RNF150: variants seen among roughly 807,000 people sequenced by gnomAD.
The protein encoded by RNF150 is ring finger protein 150.
Under a neutral mutation model 39.3 loss-of-function variants are expected in RNF150, and 24 were observed. The observed-to-expected ratio is 0.61, with a 90% CI of 0.44 to 0.86. The LOEUF (loss-of-function observed/expected upper bound fraction) is 0.86, where lower values mean the gene tolerates loss of function less well. Among genes scored for constraint, RNF150 ranks in the 40% least tolerant of loss-of-function variants. The probability of loss-of-function intolerance (pLI) is 0.00; values close to 1 mark genes in which losing one functional copy is unlikely to be tolerated. For missense variants in RNF150, 502 were observed against 587.8 expected, an observed-to-expected ratio of 0.85 and a Z score of 1.51; for synonymous variants, 255 against 227.3, an observed-to-expected ratio of 1.12 and a Z score of -1.10.
intron 1 of RNF150, among the ~76,000 whole-genome samples, chr4:141,110,011 G>A (rs1739335364): frequency 6.6e-6 from 1 of 152,176 alleles, no homozygotes; most frequent in Non-Finnish European, 1.5e-5. Flanking sequence ...GGATATGAGA[G>A]ACTAAGGACC....
chr4:141,180,592 A>G (rs2111187327), intron 1 of RNF150, among the ~76,000 whole-genome samples: 1 of 151,956 alleles, frequency 6.6e-6, no homozygotes, highest in East Asian at 1.9e-4. Context: ...TCAAAACTGC[A>G]TTCTTGGTGG....
At chr4:140,988,933 C>T (rs527626283) in intron 1 of RNF150, among the ~76,000 whole-genome samples, 11 of 152,170 alleles carry the variant, frequency 7.2e-5, no homozygotes, top group Admixed American at 3.9e-4. Context: ...TGTTCTCACT[C>T]ATAGGTGGGA....
At chr4:141,076,483 C>T (rs932937446) in intron 1 of RNF150, among the ~76,000 whole-genome samples, 1 of 151,896 alleles carries the variant, frequency 6.6e-6, no homozygotes, top group Admixed American at 6.6e-5. Flanking sequence ...GTGGGCCTGG[C>T]TCCCCAGTGT....
At chr4:140,939,132 C>A (rs528116661) in intron 4 of RNF150, among the ~76,000 whole-genome samples, 10 of 152,264 alleles carry the variant, frequency 6.6e-5, no homozygotes, top group South Asian at 6.2e-4. Context: ...CATTAGAAAT[C>A]CCTTTGCAAG....
At position 140,886,190 on chromosome 4, in the gene RNF150, CA is replaced by C. The variant is rs1171164182; in HGVS notation, c.1199-17812del. Among the ~76,000 whole-genome samples the C allele has an allele frequency of 2.5e-3, 183 of 73,348 alleles. 1 individual carries two copies. The Middle Eastern group carries it at 0.032, about 13-fold the overall frequency. The allele number at this position is 73,348 out of a possible 152,430, so 48.1% of individuals were successfully genotyped here. On this transcript the variant is annotated intron_variant, in intron 6 of 6. Coordinates refer to ENST00000515673, the MANE Select transcript of RNF150 (RefSeq NM_020724.2). ...TGGGCAACAGAGGGCGACTCCATCA[CA>C]AAAAAAAAAAAAAAAAAAAAGAAAA...
intron 6 of RNF150, among the ~76,000 whole-genome samples, chr4:140,902,003 G>C (rs1279161542): frequency 6.6e-6 from 1 of 152,160 alleles, no homozygotes; most frequent in Non-Finnish European, 1.5e-5. Flanking sequence ...TAATGATTTT[G>C]TTAGATTAGG....
chr4:141,026,047 GC>G (rs1197374153), intron 1 of RNF150, among the ~76,000 whole-genome samples: 1 of 152,102 alleles, frequency 6.6e-6, no homozygotes, highest in Non-Finnish European at 1.5e-5. Flanking sequence ...GTGTCTGCAA[GC>G]CAGGAAGAGG....
At chr4:140,871,086 C>G (rs900093724) in intron 6 of RNF150, among the ~76,000 whole-genome samples, 1 of 151,852 alleles carries the variant, frequency 6.6e-6, no homozygotes, top group Admixed American at 6.6e-5. Flanking sequence ...ATACTATATT[C>G]TAGCATCTGC....
chr4:141,022,186 G>A (rs1437483508), intron 1 of RNF150, among the ~76,000 whole-genome samples: 1 of 152,122 alleles, frequency 6.6e-6, no homozygotes, highest in Non-Finnish European at 1.5e-5. Context: ...CGTGAACCAA[G>A]TCTTATAATC....
intron 2 of RNF150, among the ~76,000 whole-genome samples, chr4:140,962,485 C>T (rs1224143086): frequency 6.7e-6 from 1 of 149,302 alleles, no homozygotes; most frequent in Non-Finnish European, 1.5e-5. Flanking sequence ...ATATCTCACA[C>T]ACACACACAC....
chr4:141,012,781 C>CAAAAAATA (rs1735120812), intron 1 of RNF150, among the ~76,000 whole-genome samples: 1 of 71,440 alleles, frequency 1.4e-5, no homozygotes. Context: ...GACTCTGTCT[C>CAAAAAATA]AAAAAAAAAA....
intron 1 of RNF150, among the ~76,000 whole-genome samples, chr4:141,117,740 A>C (rs1340116529): frequency 6.6e-6 from 1 of 152,212 alleles, no homozygotes; most frequent in African/African-American, 2.4e-5. Flanking sequence ...GGGTCTGTGA[A>C]GCAAGTGAAG....
At chr4:140,947,786 G>A in intron 3 of RNF150, 50 bp from the exon 4 acceptor site, 1 of 1,306,410 alleles carries the variant, frequency 7.7e-7, no homozygotes, top group Non-Finnish European at 1.1e-6. Context: ...TTCATCTCTT[G>A]TGTAAATATC....
chr4:141,028,508 T>G (rs901180501), intron 1 of RNF150, among the ~76,000 whole-genome samples: 13 of 152,238 alleles, frequency 8.5e-5, no homozygotes, highest in African/African-American at 3.1e-4. Context: ...GTGCTCTCAG[T>G]AAATTCCAGC....
intron 1 of RNF150, among the ~76,000 whole-genome samples, chr4:141,147,383 A>G (rs149574983): frequency 6.6e-6 from 1 of 152,328 alleles, no homozygotes; most frequent in Non-Finnish European, 1.5e-5. Flanking sequence ...TTTCTACATC[A>G]GTTAATAACT....
intron 1 of RNF150, among the ~76,000 whole-genome samples, chr4:141,067,828 AGAG>A (rs1578689981): frequency 1.3e-5 from 2 of 152,228 alleles, no homozygotes; most frequent in African/African-American, 4.8e-5. Context: ...CAAAAAGCCC[AGAG>A]AAGAAGGCAA....
chr4:140,917,902 C>G (rs1730911188), intron 5 of RNF150, among the ~76,000 whole-genome samples: 1 of 151,944 alleles, frequency 6.6e-6, no homozygotes, highest in Non-Finnish European at 1.5e-5. Flanking sequence ...CAAAACCGCT[C>G]CACTACATGG....
intron 6 of RNF150, among the ~76,000 whole-genome samples, chr4:140,896,217 G>A (rs1158871889): frequency 2.1e-4 from 6 of 28,584 alleles, no homozygotes; most frequent in Admixed American, 4.0e-4. Context: ...AAATCATGCT[G>A]CTATAAAGAC....
intron 1 of RNF150, among the ~76,000 whole-genome samples, chr4:141,170,012 A>C (rs1327510097): frequency 6.6e-6 from 1 of 152,178 alleles, no homozygotes; most frequent in Admixed American, 6.6e-5. Flanking sequence ...AAAAATCCCA[A>C]CATTAATATT....
Sources: allele counts gnomAD v4.1 joint callset (sites outside exome capture counted in the v4.1 genomes callset), GRCh38; gene constraint gnomAD v4.1.1; transcripts MANE v1.5; gene names NCBI Gene and HGNC (gene_info 2026-07-23, HGNC 2026-07-21).